ZNF705G: variants seen among roughly 807,000 people sequenced by gnomAD.
ZNF705G encodes the protein putative zinc finger protein 705G.
A neutral mutation model predicts 19.6 loss-of-function variants in ZNF705G; 23 were observed. The ratio of observed to expected loss-of-function variants is 1.17; its 90% CI spans 0.84 to 1.66. The LOEUF (loss-of-function observed/expected upper bound fraction) is 1.66, where lower values mean the gene tolerates loss of function less well. Ranked by LOEUF, ZNF705G falls within the 40% of genes most tolerant of loss-of-function variation. The pLI is 0.00. For synonymous variants in ZNF705G, 146 were observed against 117.7 expected (o/e 1.24, Z -1.56); for missense variants, 457 against 354.4 (o/e 1.29, Z -2.32).
chr8:7,365,450 C>T (rs12679252), intron 2 of ZNF705G, among the ~76,000 whole-genome samples: 3 of 144,834 alleles, frequency 2.1e-5, no homozygotes, highest in Non-Finnish European at 4.4e-5. Flanking sequence ...GCGATCTCGG[C>T]TCACCGCAAC....
chr8:7,376,701 G>A (rs1807252983), intron 2 of ZNF705G, among the ~76,000 whole-genome samples: 1 of 150,182 alleles, frequency 6.7e-6, no homozygotes, highest in Non-Finnish European at 1.5e-5. Flanking sequence ...AGTAGTGAGT[G>A]AAGTCTCAGG....
chr8:7,366,537 T>C (rs1806864827), intron 2 of ZNF705G, among the ~76,000 whole-genome samples: 1 of 149,472 alleles, frequency 6.7e-6, no homozygotes, highest in South Asian at 2.1e-4. Flanking sequence ...GAAATCTATT[T>C]TAAAGAAACT....
At chr8:7,376,805 G>A (rs1362874726) in intron 2 of ZNF705G, among the ~76,000 whole-genome samples, 3 of 149,970 alleles carry the variant, frequency 2.0e-5, no homozygotes, top group Non-Finnish European at 4.4e-5. Context: ...AACAATTGAA[G>A]TATATTATCT....
Position 7,362,505 on chromosome 8 carries a change from G to A in ZNF705G, c.12+430C>T, listed in dbSNP as rs544857953. On this transcript the variant is annotated intron_variant, in intron 3 of 6. Transcript: ENST00000400156. ...GTTCTGCTCTTCACTCATCTCTATC[G>A]CCTGCATTAATCACAATCCTAAGTC... 3.9e-4 allele frequency among the ~76,000 whole-genome samples: 58 copies of A among 149,576 alleles called. 1 individual carries two copies. Among genetic ancestry groups the A allele is most frequent in the Admixed American group, 1.3e-3 (20 of 15,216 alleles).
At position 7,385,533 on chromosome 8, in the gene ZNF705G, T is replaced by C. The variant is rs1807686447; in HGVS notation, c.-257A>G. ...GTTCCTCCACCCTCCACAGGCTGTG[T>C]GCTGTATGTCCCTTGGGACAAGGAC... On this transcript the variant is annotated 5_prime_UTR_variant, in exon 1 of 7. Transcript: ENST00000400156. 1 of 148,076 alleles carries C rather than the reference T, an allele frequency of 6.8e-6. No individual in the cohort carries two copies. Among genetic ancestry groups the C allele is most frequent in the Non-Finnish European group, 1.5e-5 (1 of 67,906 alleles). 9.2% of individuals were successfully genotyped at this position (148,076 alleles called of 1,614,324 possible). A position where few individuals can be genotyped will look rare whatever the true frequency, so the allele number is the denominator to read the frequency against.
rs1282035235 is a variant in ZNF705G, at chr8:7,359,937, A to T, written c.236-236T>A. Among the ~76,000 whole-genome samples the T allele has an allele frequency of 2.0e-5, 3 of 149,638 alleles. No individual in the cohort carries two copies. The East Asian group carries it at 5.8e-4, about 29-fold the overall frequency. On this transcript the variant is annotated intron_variant, in intron 5 of 6. Transcript: ENST00000400156. ...GGAGATGAGATATCAGGCAGGTAAA[A>T]AGAGGGATAGTCTTCACAGGGGTAT... is the stretch of plus-strand genomic sequence containing the variant.
chr8:7,361,368 C>G, intron 3 of ZNF705G, 132 bp from the exon 4 acceptor site: 2 of 1,493,576 alleles, frequency 1.3e-6, no homozygotes, highest in East Asian at 4.5e-5. Context: ...CCAGTTCATT[C>G]TCAGTACTAA....
chr8:7,359,022 G>A (rs1354485051), intron 6 of ZNF705G, among the ~76,000 whole-genome samples: 3 of 149,510 alleles, frequency 2.0e-5, no homozygotes, highest in Non-Finnish European at 2.9e-5. Flanking sequence ...TTATTCCTCT[G>A]CCTCATTTGT....
rs1241906705 is a variant in ZNF705G at position 7,357,905 on chromosome 8, G to A, written c.*71C>T. ...AATTTTCTGATGCTCTTTAAGATTA[G>A]TACATTGTCTGAAGGCTTTCCCACA... On this transcript the variant is annotated 3_prime_UTR_variant, in exon 7 of 7. Coordinates refer to ENST00000400156, the MANE Select transcript of ZNF705G (RefSeq NM_001164457.3). 2.5e-6 allele frequency: 4 copies of A among 1,595,826 alleles called. No individual in the cohort carries two copies. The East Asian group carries it at 8.9e-5, about 36-fold the overall frequency.
rs1275001274 is a variant in ZNF705G, at chr8:7,357,837, C to T, written c.*139G>A. The T allele has an allele frequency of 1.5e-6, 2 of 1,336,188 alleles. No individual in the cohort carries two copies. Among genetic ancestry groups the T allele is most frequent in the Non-Finnish European group, 2.0e-6 (2 of 1,003,182 alleles). The allele number at this position is 1,336,188 out of a possible 1,614,324, so 82.8% of individuals were successfully genotyped here. A position where few individuals can be genotyped will look rare whatever the true frequency, so the allele number is the denominator to read the frequency against. ...TTCCTAACACCGTGTCATCTAAAGT[C>T]AGAATATGTTCTGAAGAAGTTTATA... On this transcript the variant is annotated 3_prime_UTR_variant, in exon 7 of 7. Coordinates refer to ENST00000400156, the MANE Select transcript of ZNF705G (RefSeq NM_001164457.3).
chr8:7,380,404 G>T (rs556361677), intron 2 of ZNF705G, among the ~76,000 whole-genome samples: 2 of 147,660 alleles, frequency 1.4e-5, no homozygotes, highest in Admixed American at 6.6e-5. Context: ...AGCCCACCCA[G>T]CCTGGTGGTG....
chr8:7,363,486 C>G (rs542473880), intron 2 of ZNF705G, among the ~76,000 whole-genome samples: 3 of 149,426 alleles, frequency 2.0e-5, no homozygotes, highest in East Asian at 1.9e-4. Flanking sequence ...TCAACTCTGA[C>G]TTTTGTATTT....
rs558480421 is a variant in ZNF705G, at chr8:7,365,889, A to G, written c.-71-2872T>C. 1.5e-4 allele frequency among the ~76,000 whole-genome samples: 23 copies of G among 149,632 alleles called. 1 individual carries two copies. The South Asian group carries it at 2.5e-3, about 16-fold the overall frequency. On this transcript the variant is annotated intron_variant, in intron 2 of 6. Transcript: ENST00000400156. ...CTCCAACAGATCTTCAGTAAAAATA[A>G]CTGATGTCTATATTGTTTTGCCTGT... is the stretch of plus-strand genomic sequence containing the variant.
chr8:7,358,647 A>G (rs1806411600), intron 6 of ZNF705G, 87 bp from the exon 7 acceptor site: 2 of 1,569,018 alleles, frequency 1.3e-6, no homozygotes, highest in East Asian at 2.2e-5. Context: ...TAGACCAACC[A>G]TTCAGTGGTA....
intron 2 of ZNF705G, among the ~76,000 whole-genome samples, chr8:7,380,994 C>T (rs567650252): frequency 1.1e-5 from 1 of 90,396 alleles, no homozygotes; most frequent in Non-Finnish European, 1.8e-5. Flanking sequence ...GCAGCCTGGC[C>T]TACAGAGCTA....
chr8:7,380,415 C>A (rs535767083), intron 2 of ZNF705G, among the ~76,000 whole-genome samples: 1 of 147,584 alleles, frequency 6.8e-6, no homozygotes, highest in Non-Finnish European at 1.5e-5. Flanking sequence ...CCTGGTGGTG[C>A]CTGTGCACAT....
intron 3 of ZNF705G, among the ~76,000 whole-genome samples, chr8:7,362,607 A>G (rs1159810553): frequency 1.3e-5 from 2 of 149,698 alleles, no homozygotes; most frequent in African/African-American, 5.1e-5. Flanking sequence ...AAAAAGAAAT[A>G]TATAAATGAA....
chr8:7,382,903 A>G (rs1807557389), intron 1 of ZNF705G, among the ~76,000 whole-genome samples: 1 of 147,076 alleles, frequency 6.8e-6, no homozygotes, highest in Admixed American at 6.6e-5. Context: ...AGTAGAGTAC[A>G]TTGTACCTAA....
Position 7,367,462 on chromosome 8 carries a change from G to A in ZNF705G, c.-71-4445C>T, listed in dbSNP as rs535630025. Among the ~76,000 whole-genome samples the A allele has an allele frequency of 2.6e-4, 39 of 149,412 alleles. No homozygotes were observed. In the South Asian group the frequency reaches 7.3e-3, roughly 28 times the overall value. On this transcript the variant is annotated intron_variant, in intron 2 of 6. Coordinates refer to ENST00000400156, the MANE Select transcript of ZNF705G (RefSeq NM_001164457.3). The stretch of plus-strand genomic sequence containing the variant: ...CAAAAATGGCAAAGCATAATCTTCC[G>A]GGGGCACGCTCCACCGGAAAAGGAA...
Sources: gnomAD v4.1 joint callset for allele counts (sites outside exome capture counted in the v4.1 genomes callset) on GRCh38, gnomAD v4.1.1 for gene constraint, MANE v1.5 for transcripts, NCBI Gene and HGNC (gene_info 2026-07-23, HGNC 2026-07-21) for gene names.